Variants in TSHZ3 observed in about 807,000 individuals in gnomAD.
TSHZ3 encodes the protein teashirt zinc finger homeobox 3.
Under a neutral mutation model 64.5 loss-of-function variants are expected in TSHZ3, and 10 were observed. The observed-to-expected ratio is 0.16, with a 90% confidence interval of 0.10 to 0.26. The LOEUF (loss-of-function observed/expected upper bound fraction) is 0.26. Among genes scored for constraint, TSHZ3 ranks in the 10% least tolerant of loss-of-function variants. TSHZ3 has a pLI of 1.00. For missense variants in TSHZ3, 1,242 were observed against 1,421.7 expected (o/e 0.87, Z 2.03); for synonymous variants, 608 against 593.1 (o/e 1.03, Z -0.36).
chr19:31,215,764 G>C (rs1421107629), intron 4 of TSHZ3, among the ~76,000 whole-genome samples: 1 of 152,056 alleles, frequency 6.6e-6, no homozygotes, highest in Non-Finnish European at 1.5e-5. Flanking sequence ...CCAGCTACTT[G>C]GGAGGCTGAG....
At chr19:31,163,657 G>C in intron 5 of TSHZ3, among the ~76,000 whole-genome samples, 1 of 152,140 alleles carries the variant, frequency 6.6e-6, no homozygotes, top group East Asian at 1.9e-4. Flanking sequence ...CTTGAACCTG[G>C]GACGCAGAGG....
At chr19:31,229,005 C>T (rs59222789) in intron 3 of TSHZ3, among the ~76,000 whole-genome samples, 55,236 of 152,050 alleles carry the variant, frequency 0.36, 14,168 homozygotes, top group African/African-American at 0.72. Flanking sequence ...TCCTACCTGA[C>T]TGGGATGCTG....
At chr19:31,308,553 G>T (rs568044388) in intron 1 of TSHZ3, 3 of 396,790 alleles carry the variant, frequency 7.6e-6, no homozygotes, top group South Asian at 1.4e-4. Context: ...ACTGGCTCTC[G>T]ATCCTTTTTG....
chr19:31,252,314 T>C (rs78302314), intron 1 of TSHZ3, among the ~76,000 whole-genome samples: 3,248 of 152,072 alleles, frequency 0.021, 120 homozygotes, highest in African/African-American at 0.075. Context: ...CGCTCCACGG[T>C]CTCTCCCTAT....
chr19:31,259,651 TAA>T (rs370991502), intron 1 of TSHZ3, among the ~76,000 whole-genome samples: 1 of 141,562 alleles, frequency 7.1e-6, no homozygotes, highest in African/African-American at 2.6e-5. Flanking sequence ...TTGCTGGAAA[TAA>T]AAAAAAAAAG....
chr19:31,162,131 C>T (rs1177663033), intron 5 of TSHZ3, among the ~76,000 whole-genome samples: 2 of 152,056 alleles, frequency 1.3e-5, no homozygotes, highest in South Asian at 4.2e-4. Context: ...TTATTTGCTC[C>T]CCTGATTTTA....
chr19:31,201,365 T>A (rs1173078640), intron 5 of TSHZ3, among the ~76,000 whole-genome samples: 40 of 152,044 alleles, frequency 2.6e-4, no homozygotes, highest in Non-Finnish European at 1.5e-5. Context: ...AAGGGAGCCA[T>A]CAAAATCAAA....
chr19:31,314,382 C>T (rs560347892), intron 1 of TSHZ3, among the ~76,000 whole-genome samples: 6 of 152,306 alleles, frequency 3.9e-5, no homozygotes, highest in African/African-American at 1.4e-4. Context: ...GGGCAGCGGC[C>T]GGAACCGTGT....
downstream of TSHZ3, among the ~76,000 whole-genome samples, chr19:31,272,166 T>C (rs1292818263): frequency 1.3e-5 from 2 of 152,224 alleles, no homozygotes; most frequent in African/African-American, 2.4e-5. Context: ...CGTCAGCTCC[T>C]GTCTCTCTGC....
chr19:31,223,850 T>G (rs1599591758), intron 4 of TSHZ3, among the ~76,000 whole-genome samples: 1 of 147,024 alleles, frequency 6.8e-6, no homozygotes, highest in Non-Finnish European at 1.5e-5. Flanking sequence ...GGAGCGGGGG[T>G]GGGGGTGATG....
At position 31,237,267 on chromosome 19, in the gene TSHZ3, A is replaced by G. The variant is rs147992532; in HGVS notation, n.550+5002T>C. Among the ~76,000 whole-genome samples, 917 of 152,336 alleles carry G rather than the reference A, an allele frequency of 6.0e-3. 12 individuals are homozygous for G. The highest frequency in any genetic ancestry group is 0.021 in the African/African-American group (876 of 41,574). On this transcript the variant is annotated intron_variant and non_coding_transcript_variant, in intron 3 of 6. Transcript: ENST00000651361. ...CAGTTTTGGAATACACTAGTTTTAA[A>G]GTAATTTGTCTCTTTCACCTAAACT...
At chr19:31,301,801 A>C (rs1365948803) in intron 1 of TSHZ3, among the ~76,000 whole-genome samples, 2 of 152,072 alleles carry the variant, frequency 1.3e-5, no homozygotes, top group African/African-American at 2.4e-5. Flanking sequence ...AAAATGTTTG[A>C]GCACTCTGCT....
intron 1 of TSHZ3, among the ~76,000 whole-genome samples, chr19:31,306,798 A>G (rs942381108): frequency 6.6e-6 from 1 of 152,258 alleles, no homozygotes; most frequent in Non-Finnish European, 1.5e-5. Flanking sequence ...AAAATGAATC[A>G]GGATTATTAA....
Position 31,276,674 on chromosome 19 carries a change from G to A in TSHZ3, c.3119C>T (p.Ser1040Phe). The A allele has an allele frequency of 1.2e-6, 2 of 1,613,798 alleles. No individual in the cohort carries two copies. Among genetic ancestry groups the A allele is most frequent in the East Asian group, 2.2e-5 (1 of 44,872 alleles). Residue 1040 changes from serine to phenylalanine, a missense_variant, in exon 2 of 2, where the codon TCC (serine) becomes TTC (phenylalanine). Ser to Phe is a radical substitution (Grantham distance 155). Transcript: ENST00000240587. ...TSSPEEDLGT[S>F]YQCKLCNRTF... ...CCGATTGCAAAGTTTGCACTGATAG[G>A]AAGTCCCCAGGTCTTCCTCGGGGGA...
chr19:31,290,718 G>T (rs550140089), intron 1 of TSHZ3, among the ~76,000 whole-genome samples: 2 of 152,080 alleles, frequency 1.3e-5, no homozygotes, highest in Non-Finnish European at 1.5e-5. Flanking sequence ...TCCAGGCATC[G>T]CTGCTGGGCT....
chr19:31,256,844 T>A, intron 1 of TSHZ3, among the ~76,000 whole-genome samples: 1 of 152,124 alleles, frequency 6.6e-6, no homozygotes, highest in Non-Finnish European at 1.5e-5. Flanking sequence ...TTCCTCTGTG[T>A]TCCCTGTCTC....
chr19:31,165,610 G>A (rs758229638), intron 5 of TSHZ3, among the ~76,000 whole-genome samples: 16 of 152,032 alleles, frequency 1.1e-4, no homozygotes, highest in East Asian at 3.9e-4. Context: ...CTCAGCCCTC[G>A]GACAAAAATA....
intron 1 of TSHZ3, 134 bp downstream of exon 1, chr19:31,349,046 C>G: frequency 8.4e-7 from 1 of 1,191,774 alleles, no homozygotes; most frequent in South Asian, 1.6e-5. Context: ...CGCACCCAAA[C>G]AGGAGAGCGG....
At chr19:31,262,464 A>T (rs894311696) in intron 1 of TSHZ3, among the ~76,000 whole-genome samples, 1 of 152,226 alleles carries the variant, frequency 6.6e-6, no homozygotes, top group African/African-American at 2.4e-5. Flanking sequence ...TACACAGATC[A>T]AGAAGAAAAA....
Sources: gnomAD v4.1 joint callset for allele counts (sites outside exome capture counted in the v4.1 genomes callset) on GRCh38, gnomAD v4.1.1 for gene constraint, MANE v1.5 for transcripts, NCBI Gene and HGNC (gene_info 2026-07-23, HGNC 2026-07-21) for gene names.